The following ITPKC variants were observed in gnomAD, a reference collection of about 807,000 sequenced individuals.
ITPKC encodes the protein inositol-trisphosphate 3-kinase C, also known as IP3 3-kinase C.
A neutral mutation model predicts 67.1 loss-of-function variants in ITPKC; 33 were observed. The observed-to-expected ratio is 0.49, with a 90% CI of 0.37 to 0.66. The LOEUF is 0.66. ITPKC is among the 30% of genes least tolerant of loss of function. The pLI is 0.00. For synonymous variants in ITPKC, 341 were observed against 359.8 expected, an observed-to-expected ratio of 0.95 and a Z score of 0.59; for missense variants, 820 against 892.1, an observed-to-expected ratio of 0.92 and a Z score of 1.03.
Position 40,739,413 on chromosome 19 carries a change from G to T in ITPKC, c.1905G>T (p.Trp635Cys), listed in dbSNP as rs1446270115. ...VHDHTGLAKV[W>C]MIDFGKTVAL... is the part of the protein sequence containing the mutation. ...ACCACACCGGCCTGGCCAAGGTCTG[G>T]ATGATAGACTTCGGCAAGACGGTGG... Residue 635 changes from tryptophan to cysteine, a missense_variant, in exon 7 of 7, where the codon TGG (tryptophan) becomes TGT (cysteine). By Grantham distance (215) the Trp-to-Cys change is radical. Around this residue, in one of 2 missense-constraint regions of ITPKC, gnomAD observed 339 missense variants for 422.0 expected, o/e 0.80. Transcript: ENST00000263370. 6.2e-7 allele frequency: 1 copy of T among 1,613,778 alleles called. No individual in the cohort carries two copies. The highest frequency in any genetic ancestry group is 1.7e-5 in the Admixed American group (1 of 60,018).
intron 3 of ITPKC, among the ~76,000 whole-genome samples, chr19:40,732,423 A>G (rs561278831): frequency 1.0e-4 from 15 of 150,114 alleles, no homozygotes; most frequent in South Asian, 8.5e-4. Context: ...CCAGCTACTC[A>G]GGAGGCTGAG....
In ITPKC at chr19:40,740,824, A is replaced by G. The variant is rs539121657; in HGVS notation, c.*1264A>G. 105 of 396,094 alleles carry G rather than the reference A, an allele frequency of 2.7e-4. No individual in the cohort carries two copies. The highest frequency in any genetic ancestry group is 3.5e-4 in the Admixed American group (8 of 22,634). The allele number at this position is 396,094 out of a possible 1,614,324, so 24.5% of individuals were successfully genotyped here. Reference sequence around the variant, plus strand: ...AATGGCTCTGCTGAGCCTCCTACCCATGACAACACCCCAATAAACAGAACA... The same window carrying G: ...AATGGCTCTGCTGAGCCTCCTACCCGTGACAACACCCCAATAAACAGAACA... On this transcript the variant is annotated 3_prime_UTR_variant, in exon 7 of 7. Coordinates refer to ENST00000263370, the MANE Select transcript of ITPKC (RefSeq NM_025194.3).
In ITPKC at chr19:40,736,977, G is replaced by T. The variant is rs1399465065; in HGVS notation, c.1675-9G>T. ...CCATGACCCTGCCCCTCCACACCCT[G>T]CCCTACAGAAGGCAGATGGGACCTG... On this transcript the variant is annotated splice_polypyrimidine_tract_variant and intron_variant, in intron 4 of 6. Transcript: ENST00000263370. The T allele has an allele frequency of 1.3e-6, 2 of 1,565,040 alleles. No individual in the cohort carries two copies. Among genetic ancestry groups the T allele is most frequent in the East Asian group, 2.3e-5 (1 of 42,876 alleles).
At chr19:40,734,583 G>A (rs2082286137) in intron 4 of ITPKC, among the ~76,000 whole-genome samples, 1 of 151,752 alleles carries the variant, frequency 6.6e-6, no homozygotes, top group Admixed American at 6.6e-5. Flanking sequence ...GGCCCTCTAG[G>A]ATCTAGCCTC....
chr19:40,737,307 A>G (rs1341570516), intron 5 of ITPKC, among the ~76,000 whole-genome samples: 1 of 152,230 alleles, frequency 6.6e-6, no homozygotes, highest in Non-Finnish European at 1.5e-5. Context: ...ACGTCTCTCG[A>G]TAGCAGGATG....
In ITPKC at chr19:40,737,010, A is replaced by T. The variant is rs1263222326; in HGVS notation, c.1699A>T (p.Asn567Tyr). The T allele has an allele frequency of 6.3e-7, 1 of 1,593,490 alleles. No individual in the cohort carries two copies. The highest frequency in any genetic ancestry group is 1.7e-5 in the Admixed American group (1 of 57,836). ...IKKADGTCNTNFKKTQALEQV... is the reference protein window; with the variant it reads ...IKKADGTCNTYFKKTQALEQV... ...GAAGGCAGATGGGACCTGTAACACC[A>T]ACTTCAAGAAGACGCAGGCACTGGA... is the stretch of plus-strand genomic sequence containing the variant. The change falls in exon 5 of 7, where the codon AAC becomes TAC. Residue 567 changes from asparagine to tyrosine, a missense_variant. Transcript: ENST00000263370.
chr19:40,732,748 C>T (rs2082277605), intron 3 of ITPKC, among the ~76,000 whole-genome samples: 1 of 152,010 alleles, frequency 6.6e-6, no homozygotes, highest in Non-Finnish European at 1.5e-5. Flanking sequence ...TAATTTAGTC[C>T]AGTTTGTCAG....
rs781466180 is a variant in ITPKC at position 40,739,580 on chromosome 19, G to C, written c.*20G>C. The stretch of plus-strand genomic sequence containing the variant: ...AGCTGAGCTGCTCAGCCACCATCAG[G>C]TTAATTGGATGGCGCCAGTCTGGCT... On this transcript the variant is annotated 3_prime_UTR_variant, in exon 7 of 7. Coordinates refer to ENST00000263370, the MANE Select transcript of ITPKC (RefSeq NM_025194.3). 5 of 1,603,304 alleles carry C rather than the reference G, an allele frequency of 3.1e-6. No homozygotes were observed. In the South Asian group the frequency reaches 5.5e-5, roughly 18 times the overall value.
At chr19:40,719,978 T>C (rs916268291) in intron 1 of ITPKC, among the ~76,000 whole-genome samples, 1 of 152,062 alleles carries the variant, frequency 6.6e-6, no homozygotes, top group Non-Finnish European at 1.5e-5. Flanking sequence ...AATTTTTTTC[T>C]GTCATTTTTT....
Position 40,725,391 on chromosome 19 carries a change from G to A in ITPKC, c.1207G>A (p.Val403Ile), listed in dbSNP as rs34603056. The change falls in exon 2 of 7, where the codon GTC becomes ATC. Residue 403 changes from valine to isoleucine, a missense_variant. Physicochemically the swap from Val to Ile is conservative, Grantham distance 29. Coordinates refer to ENST00000263370, the MANE Select transcript of ITPKC (RefSeq NM_025194.3). ...AGTTCTGAAGTATTCACCCTTTGTG[G>A]TCTCCTTCCGAAAACACTACCCTTG... ...KTVLKYSPFV[V>I]SFRKHYPWVQ... The A allele has an allele frequency of 1.9e-5, 30 of 1,613,920 alleles. No individual in the cohort carries two copies. The highest frequency in any genetic ancestry group is 1.4e-5 in the Non-Finnish European group (17 of 1,179,884).
intron 5 of ITPKC, 74 bp downstream of exon 5, chr19:40,737,161 G>A (rs1290536085): frequency 1.9e-6 from 2 of 1,029,358 alleles, no homozygotes; most frequent in East Asian, 2.6e-5. Context: ...CAGAGTCAGT[G>A]GTCTTCTGCT....
intron 4 of ITPKC, among the ~76,000 whole-genome samples, chr19:40,734,473 T>C (rs1302546027): frequency 2.0e-5 from 3 of 152,084 alleles, no homozygotes; most frequent in Non-Finnish European, 4.4e-5. Context: ...CCACCAGCAA[T>C]GTATGAGAAT....
At chr19:40,719,745 C>G (rs940464498) in intron 1 of ITPKC, among the ~76,000 whole-genome samples, 3 of 152,104 alleles carry the variant, frequency 2.0e-5, no homozygotes, top group Non-Finnish European at 2.9e-5. Flanking sequence ...CCCGCCTCAG[C>G]CTCCCGAAGT....
intron 3 of ITPKC, among the ~76,000 whole-genome samples, chr19:40,731,787 G>A (rs79438016): frequency 6.6e-6 from 1 of 151,972 alleles, no homozygotes; most frequent in Non-Finnish European, 1.5e-5. Context: ...CAGAGTATAG[G>A]GTGGGATCCT....
intron 2 of ITPKC, among the ~76,000 whole-genome samples, chr19:40,727,673 A>T (rs1468793364): frequency 6.6e-6 from 1 of 152,184 alleles, no homozygotes; most frequent in Non-Finnish European, 1.5e-5. Context: ...GCTTCCTCAC[A>T]GTATGGTGGC....
At position 40,737,249 on chromosome 19, in the gene ITPKC, C is replaced by G. The variant is rs529086333; in HGVS notation, c.1776+162C>G. ...GGTGGCTTGGCAAGGCTGGCTGGTC[C>G]AGGGGGCCCTGCTCCCAGCTCTGCC... is the stretch of plus-strand genomic sequence containing the variant. On this transcript the variant is annotated intron_variant, in intron 5 of 6. Coordinates refer to ENST00000263370, the MANE Select transcript of ITPKC (RefSeq NM_025194.3). Among the ~76,000 whole-genome samples, 336 of 152,318 alleles carry G rather than the reference C, an allele frequency of 2.2e-3. 2 individuals are homozygous for G. The South Asian group carries it at 0.022, about 10-fold the overall frequency.
At chr19:40,720,294 G>A (rs1330364439) in intron 1 of ITPKC, among the ~76,000 whole-genome samples, 1 of 151,816 alleles carries the variant, frequency 6.6e-6, no homozygotes, top group East Asian at 1.9e-4. Flanking sequence ...TTGAATGTGG[G>A]AGGCGGAGGT....
Position 40,717,796 on chromosome 19 carries a change from G to A in ITPKC, c.661G>A (p.Gly221Ser). Reference protein sequence around the residue: ...ACPSKEPSADGSWKELYTDGS... With the variant: ...ACPSKEPSADSSWKELYTDGS... ...TCCCTCAAAAGAGCCAAGTGCTGAT[G>A]GCTCCTGGAAAGAATTGTATACTGA... The change falls in exon 1 of 7, where the codon GGC becomes AGC. Residue 221 changes from glycine to serine, a missense_variant. This residue lies in a region of ITPKC where 481 missense variants were observed against 470.1 expected (regional missense o/e 1.02). Transcript: ENST00000263370. 2.5e-6 allele frequency: 4 copies of A among 1,614,106 alleles called. No homozygotes were observed. Among genetic ancestry groups the A allele is most frequent in the Non-Finnish European group, 3.4e-6 (4 of 1,180,018 alleles).
intron 6 of ITPKC, among the ~76,000 whole-genome samples, chr19:40,738,961 G>A (rs1045148556): frequency 1.3e-5 from 2 of 152,262 alleles, no homozygotes; most frequent in Non-Finnish European, 2.9e-5. Flanking sequence ...GGGATGATTC[G>A]CATCCCAGGT....
Sources: allele counts gnomAD v4.1 joint callset (sites outside exome capture counted in the v4.1 genomes callset), GRCh38; gene constraint gnomAD v4.1.1; regional missense constraint gnomAD v4.1.1; transcripts MANE v1.5; gene names NCBI Gene and HGNC (gene_info 2026-07-23, HGNC 2026-07-21).